The following GALNT15 variants were observed in gnomAD, a reference collection of about 807,000 sequenced individuals.
GALNT15 encodes polypeptide N-acetylgalactosaminyltransferase 15.
Under a neutral mutation model 66.8 loss-of-function variants are expected in GALNT15, and 67 were observed. The ratio of observed to expected loss-of-function variants is 1.00; its 90% CI spans 0.82 to 1.23. The LOEUF (loss-of-function observed/expected upper bound fraction) is 1.23. Ranked by LOEUF, GALNT15 falls within the 50% of genes most tolerant of loss-of-function variation. GALNT15 has a pLI of 0.00. For missense variants in GALNT15, 827 were observed against 804.3 expected (o/e 1.03, Z -0.34); for synonymous variants, 313 against 311.5 (o/e 1.00, Z -0.05).
chr3:16,224,632 CTTTT>C lies in GALNT15; in HGVS notation c.1773+1891_1773+1894del, dbSNP rs34368462. Among the ~76,000 whole-genome samples, 102 of 131,948 alleles carry C rather than the reference CTTTT, an allele frequency of 7.7e-4. No homozygotes were observed. The highest frequency in any genetic ancestry group is 1.3e-3 in the South Asian group (5 of 3,966). The allele number at this position is 131,948 out of a possible 152,430, so 86.6% of individuals were successfully genotyped here. A position where few individuals can be genotyped will look rare whatever the true frequency, so the allele number is the denominator to read the frequency against. Reference sequence around the variant, plus strand: ...TTTAACACTATTGTAGTAGGCTATTCTTTTTTTTTTTTTTTTTTTTAAAGAGGGA... The same window carrying C: ...TTTAACACTATTGTAGTAGGCTATTCTTTTTTTTTTTTTTTTAAAGAGGGA... On this transcript the variant is annotated intron_variant, in intron 9 of 9. Coordinates refer to ENST00000339732, the MANE Select transcript of GALNT15 (RefSeq NM_054110.5). This position sits in a 1 kb window ranked among gnomAD's most constrained non-coding sequence, Gnocchi z 5.2.
At chr3:16,207,578 G>C (rs180812422) in intron 3 of GALNT15, among the ~76,000 whole-genome samples, 1 of 23,236 alleles carries the variant, frequency 4.3e-5, no homozygotes, top group African/African-American at 1.4e-4. Flanking sequence ...ACCGGGAAAT[G>C]AGCAAATAAC....
chr3:16,232,482 AT>A (rs2064093234), downstream of GALNT15, among the ~76,000 whole-genome samples: 3 of 72,362 alleles, frequency 4.1e-5, no homozygotes, highest in African/African-American at 1.8e-4. Flanking sequence ...ATATATATAT[AT>A]ATATATATAT....
chr3:16,221,319 T>A (rs1331670357), intron 8 of GALNT15, among the ~76,000 whole-genome samples: 1 of 146,916 alleles, frequency 6.8e-6, no homozygotes, highest in East Asian at 2.0e-4. Flanking sequence ...ACTAGAAAAG[T>A]TGAAAGCCTT....
At position 16,191,263 on chromosome 3, in the gene GALNT15, A is replaced by C; in HGVS notation, c.540-4497A>C. The C allele has an allele frequency of 1.1e-6, 1 of 887,600 alleles. No individual in the cohort carries two copies. The highest frequency in any genetic ancestry group is 1.3e-6 in the Non-Finnish European group (1 of 740,890). 55.0% of individuals were successfully genotyped at this position (887,600 alleles called of 1,614,324 possible). Reference sequence around the variant, plus strand: ...CCTCCTTCTTCCTCCTGCTGCGGGAAGGAGCCCCCAAAGAATCAAGAACAC... The same window carrying C: ...CCTCCTTCTTCCTCCTGCTGCGGGACGGAGCCCCCAAAGAATCAAGAACAC... On this transcript the variant is annotated intron_variant, in intron 1 of 9. Transcript: ENST00000339732. This position sits in a 1 kb window ranked among gnomAD's most constrained non-coding sequence, Gnocchi z 5.2.
At chr3:16,192,687 G>C (rs1224689752) in intron 1 of GALNT15, among the ~76,000 whole-genome samples, 19 of 152,326 alleles carry the variant, frequency 1.2e-4, no homozygotes, top group East Asian at 9.6e-4. Context: ...GAGAATGAAG[G>C]GGGTGAAAGA....
At chr3:16,221,171 A>G (rs1478444836) in intron 8 of GALNT15, among the ~76,000 whole-genome samples, 3 of 99,362 alleles carry the variant, frequency 3.0e-5, no homozygotes, top group Non-Finnish European at 5.9e-5. Context: ...TCTGGGTTTG[A>G]AAAAGAAGAA....
rs1019389081 is a variant in GALNT15 at position 16,176,934 on chromosome 3, C to G, written c.539+1244C>G. Among the ~76,000 whole-genome samples the G allele has an allele frequency of 1.3e-5, 2 of 152,114 alleles. No individual in the cohort carries two copies. The highest frequency in any genetic ancestry group is 2.4e-5 in the African/African-American group (1 of 41,404). ...TGTGTGCCCCGGGTGCCTCACTCAC[C>G]GCACCCTACTTCCATTTCAAACCCG... On this transcript the variant is annotated intron_variant, in intron 1 of 9. Transcript: ENST00000339732. This position sits in a 1 kb window ranked among gnomAD's most constrained non-coding sequence, Gnocchi z 5.6.
chr3:16,219,867 A>G lies in GALNT15; in HGVS notation c.1525-43A>G. On this transcript the variant is annotated intron_variant, in intron 7 of 9. Transcript: ENST00000339732. The surrounding 1 kb of genome is among the most constrained non-coding windows in gnomAD (Gnocchi z 4.3). ...GGTGTCTGACCGAGGGTGTCTTTACAGTGGAATCTGGAATTCACTCCTGTG... is the reference window on the plus strand; with the variant it reads ...GGTGTCTGACCGAGGGTGTCTTTACGGTGGAATCTGGAATTCACTCCTGTG... 6.7e-7 allele frequency: 1 copy of G among 1,490,972 alleles called. No homozygotes were observed. Among genetic ancestry groups the G allele is most frequent in the Non-Finnish European group, 9.4e-7 (1 of 1,068,366 alleles). 92.4% of individuals were successfully genotyped at this position (1,490,972 alleles called of 1,614,324 possible). A position where few individuals can be genotyped will look rare whatever the true frequency, so the allele number is the denominator to read the frequency against.
intron 3 of GALNT15, 138 bp from the exon 4 acceptor site, chr3:16,208,365 C>T: frequency 2.9e-6 from 2 of 684,756 alleles, no homozygotes; most frequent in East Asian, 2.6e-5. Flanking sequence ...TACACTTACT[C>T]CACACCTGAT....
rs1032421863 is a variant in GALNT15, at chr3:16,183,488, C to T, written c.539+7798C>T. Among the ~76,000 whole-genome samples the T allele has an allele frequency of 2.0e-4, 30 of 152,260 alleles. No homozygotes were observed. The highest frequency in any genetic ancestry group is 6.8e-4 in the African/African-American group (28 of 41,470). ...CTCCCCTGTTAATCTTGACAACCAA[C>T]TTACACACTTCCTGAGAACAAGTTC... On this transcript the variant is annotated intron_variant, in intron 1 of 9. Coordinates refer to ENST00000339732, the MANE Select transcript of GALNT15 (RefSeq NM_054110.5). This position sits in a 1 kb window ranked among gnomAD's most constrained non-coding sequence, Gnocchi z 5.2.
intron 8 of GALNT15, among the ~76,000 whole-genome samples, chr3:16,220,679 C>T (rs1162997383): frequency 6.6e-6 from 1 of 152,178 alleles, no homozygotes; most frequent in Non-Finnish European, 1.5e-5. Flanking sequence ...CCAAAGGCCC[C>T]TAATAAAACA....
chr3:16,232,570 T>C (rs991287450), downstream of GALNT15, among the ~76,000 whole-genome samples: 1 of 143,254 alleles, frequency 7.0e-6, no homozygotes, highest in African/African-American at 2.6e-5. Flanking sequence ...GTTTTCTGTA[T>C]ATGGTCCTAT....
intron 1 of GALNT15, among the ~76,000 whole-genome samples, chr3:16,192,450 G>A (rs562714912): frequency 2.0e-5 from 3 of 152,008 alleles, no homozygotes; most frequent in Non-Finnish European, 4.4e-5. Context: ...CCGGCAACAA[G>A]CCCAATTAAT....
chr3:16,190,653 A>AG (rs1476870184), intron 1 of GALNT15, among the ~76,000 whole-genome samples: 14 of 151,768 alleles, frequency 9.2e-5, no homozygotes, highest in African/African-American at 3.4e-4. Flanking sequence ...AAAAAAAAAA[A>AG]AAAAGAAACA....
chr3:16,181,748 G>A lies in GALNT15; in HGVS notation c.539+6058G>A, dbSNP rs2063473655. ...GGAACAAGCTGGGCTTGAGACCTGG[G>A]GCTGGAACTTAGCTCAATTCCCCCC... On this transcript the variant is annotated intron_variant, in intron 1 of 9. Coordinates refer to ENST00000339732, the MANE Select transcript of GALNT15 (RefSeq NM_054110.5). The surrounding 1 kb of genome is among the most constrained non-coding windows in gnomAD (Gnocchi z 5.9). 6.6e-6 allele frequency among the ~76,000 whole-genome samples: 1 copy of A among 152,136 alleles called. No individual in the cohort carries two copies. The highest frequency in any genetic ancestry group is 2.1e-4 in the South Asian group (1 of 4,834).
At chr3:16,206,718 A>G (rs2063762124) in intron 3 of GALNT15, among the ~76,000 whole-genome samples, 1 of 151,464 alleles carries the variant, frequency 6.6e-6, no homozygotes, top group Admixed American at 6.6e-5. Context: ...TACACAGCAT[A>G]GAGGTCTAGG....
chr3:16,220,107 G>C (rs1287825816), intron 8 of GALNT15, 93 bp downstream of exon 8: 2 of 964,086 alleles, frequency 2.1e-6, no homozygotes, highest in Non-Finnish European at 3.4e-6. Flanking sequence ...TCCCTTTGAG[G>C]TATCTTCTTT....
rs760829679 is a variant in GALNT15, at chr3:16,208,610, A to G, written c.1019A>G (p.His340Arg). ...RGVLDWKLDFHWEPLPEHVRK... is the reference protein window; with the variant it reads ...RGVLDWKLDFRWEPLPEHVRK... ...GTGTTGGACTGGAAGCTGGATTTCC[A>G]CTGGGAACCTTTGCCAGAGCATGTG... The change falls in exon 4 of 10, where the codon CAC becomes CGC. Residue 340 changes from histidine (H) to arginine (R), a missense_variant. Transcript: ENST00000339732. The G allele has an allele frequency of 1.2e-6, 2 of 1,614,066 alleles. No individual in the cohort carries two copies. The highest frequency in any genetic ancestry group is 1.7e-6 in the Non-Finnish European group (2 of 1,180,000).
rs139566564 is a variant in GALNT15 at position 16,227,117 on chromosome 3, T to C, written c.1774-237T>C. Among the ~76,000 whole-genome samples the C allele has an allele frequency of 4.9e-4, 74 of 152,330 alleles. No homozygotes were observed. Among genetic ancestry groups the C allele is most frequent in the Middle Eastern group, 6.8e-3 (2 of 294 alleles). On this transcript the variant is annotated intron_variant, in intron 9 of 9. Coordinates refer to ENST00000339732, the MANE Select transcript of GALNT15 (RefSeq NM_054110.5). This position sits in a 1 kb window ranked among gnomAD's most constrained non-coding sequence, Gnocchi z 4.5. ...CATAACTTTCTAAGAAATGGTGCAA[T>C]TACACAACTACAATAAAGATAATTG...
Sources: allele counts gnomAD v4.1 joint callset (sites outside exome capture counted in the v4.1 genomes callset), GRCh38; gene constraint gnomAD v4.1.1; non-coding constraint Gnocchi (gnomAD v3.1); transcripts MANE v1.5; gene names NCBI Gene and HGNC (gene_info 2026-07-23, HGNC 2026-07-21).